Variants in PARD3B observed in about 807,000 individuals in gnomAD.
PARD3B encodes the protein par-3 family cell polarity regulator beta.
A neutral mutation model predicts 130.2 loss-of-function variants in PARD3B; 103 were observed. That is an observed-to-expected ratio of 0.79 (90% CI 0.67 to 0.93). The LOEUF is 0.93. Among genes scored for constraint, PARD3B ranks in the 40% least tolerant of loss-of-function variants. PARD3B has a pLI of 0.00. For synonymous variants in PARD3B, 583 were observed against 553.2 expected, an observed-to-expected ratio of 1.05 and a Z score of -0.76; for missense variants, 1,609 against 1,499.2, an observed-to-expected ratio of 1.07 and a Z score of -1.21.
intron 22 of PARD3B, among the ~76,000 whole-genome samples, chr2:205,581,289 G>GAT (rs1430291971): frequency 2.7e-4 from 38 of 138,774 alleles, no homozygotes; most frequent in African/African-American, 8.6e-4. Flanking sequence ...TAGATATATA[G>GAT]ATAGATATAG....
intron 3 of PARD3B, among the ~76,000 whole-genome samples, chr2:204,996,773 T>C (rs1429120460): frequency 1.3e-5 from 2 of 149,014 alleles, no homozygotes; most frequent in Non-Finnish European, 3.0e-5. Flanking sequence ...GTGTGGGATA[T>C]AGTCTCGTGG....
At chr2:205,259,508 G>A (rs1395066866) in intron 16 of PARD3B, among the ~76,000 whole-genome samples, 1 of 151,966 alleles carries the variant, frequency 6.6e-6, no homozygotes, top group Admixed American at 6.6e-5. Flanking sequence ...TGTCCTTGAC[G>A]TTCACTTTCA....
At position 205,470,582 on chromosome 2, in the gene PARD3B, T is replaced by C. The variant is rs2048791341; in HGVS notation, c.3045-29314T>C. On this transcript the variant is annotated intron_variant, in intron 20 of 22. Coordinates refer to ENST00000406610, the MANE Select transcript of PARD3B (RefSeq NM_001302769.2). The surrounding 1 kb of genome is among the most constrained non-coding windows in gnomAD (Gnocchi z 4.8). ...GTCTAGATAATGAGAATTTAAGTTA[T>C]AAGATTTGTAAGGATCATGGAATAA... Among the ~76,000 whole-genome samples, 1 of 152,180 alleles carries C rather than the reference T, an allele frequency of 6.6e-6. No homozygotes were observed. The highest frequency in any genetic ancestry group is 6.5e-5 in the Admixed American group (1 of 15,276).
intron 10 of PARD3B, among the ~76,000 whole-genome samples, chr2:205,157,375 G>A (rs2034240173): frequency 6.6e-6 from 1 of 152,138 alleles, no homozygotes; most frequent in Non-Finnish European, 1.5e-5. Context: ...GATTTATTAA[G>A]CCATAAAGTT....
At chr2:204,957,619 A>T (rs532353891) in intron 2 of PARD3B, among the ~76,000 whole-genome samples, 250 of 152,228 alleles carry the variant, frequency 1.6e-3, no homozygotes, top group African/African-American at 5.7e-3. Flanking sequence ...TAAAATCCGG[A>T]TTAAATGCTT....
chr2:205,194,361 C>T (rs899510206), intron 15 of PARD3B, among the ~76,000 whole-genome samples: 5 of 152,142 alleles, frequency 3.3e-5, no homozygotes, highest in South Asian at 2.1e-4. Context: ...TTGCTGTAAT[C>T]GCCTGTAGTG....
intron 16 of PARD3B, among the ~76,000 whole-genome samples, chr2:205,278,705 A>T (rs553402436): frequency 6.6e-6 from 1 of 152,154 alleles, no homozygotes; most frequent in African/African-American, 2.4e-5. Flanking sequence ...AATTGTGCCT[A>T]CTTAACTCCT....
At chr2:204,797,844 T>C (rs1023877348) in intron 2 of PARD3B, among the ~76,000 whole-genome samples, 19 of 152,298 alleles carry the variant, frequency 1.2e-4, no homozygotes, top group Admixed American at 9.8e-4. Context: ...TGAAACCCCA[T>C]TACTTTAGTT....
intron 21 of PARD3B, among the ~76,000 whole-genome samples, chr2:205,529,028 TA>T (rs1004167827): frequency 1.9e-4 from 29 of 150,298 alleles, no homozygotes; most frequent in South Asian, 1.5e-3. Flanking sequence ...ACTTGAGCAT[TA>T]AAAAAAAAAA....
At chr2:204,826,581 A>G (rs2043585971) in intron 2 of PARD3B, among the ~76,000 whole-genome samples, 1 of 152,230 alleles carries the variant, frequency 6.6e-6, no homozygotes, top group South Asian at 2.1e-4. Flanking sequence ...GTTACTTATG[A>G]TAGCTATCCA....
At chr2:204,774,440 G>A (rs2041524526) in intron 2 of PARD3B, among the ~76,000 whole-genome samples, 2 of 152,098 alleles carry the variant, frequency 1.3e-5, no homozygotes, top group Non-Finnish European at 2.9e-5. Flanking sequence ...ATGACCAGGA[G>A]CAGGTTTGGG....
At chr2:204,696,162 T>G (rs2037599322) in intron 2 of PARD3B, among the ~76,000 whole-genome samples, 2 of 151,816 alleles carry the variant, frequency 1.3e-5, no homozygotes, top group South Asian at 4.2e-4. Context: ...GGGGGAGGTA[T>G]CTCTATCTTA....
intron 3 of PARD3B, among the ~76,000 whole-genome samples, chr2:204,965,913 T>G (rs1483968624): frequency 1.3e-5 from 2 of 152,190 alleles, no homozygotes; most frequent in Admixed American, 6.5e-5. Context: ...AAATAACATG[T>G]CTGTTTTGGT....
intron 4 of PARD3B, among the ~76,000 whole-genome samples, chr2:205,096,179 G>T (rs1247327959): frequency 6.6e-6 from 1 of 152,018 alleles, no homozygotes; most frequent in East Asian, 1.9e-4. Context: ...TATTCAGTTG[G>T]AGTTTGCCTG....
In PARD3B at chr2:205,572,291, A is replaced by G. The variant is rs1423636290; in HGVS notation, c.3260+18888A>G. The stretch of plus-strand genomic sequence containing the variant: ...GCTAAAATTTTATATGCATAAATGG[A>G]ATTTGAAGAAGTGGCAAGATGTGTA... On this transcript the variant is annotated intron_variant, in intron 22 of 22. Coordinates refer to ENST00000406610, the MANE Select transcript of PARD3B (RefSeq NM_001302769.2). The surrounding 1 kb of genome is among the most constrained non-coding windows in gnomAD (Gnocchi z 4.2). Among the ~76,000 whole-genome samples the G allele has an allele frequency of 6.6e-6, 1 of 152,188 alleles. No homozygotes were observed. The highest frequency in any genetic ancestry group is 1.5e-5 in the Non-Finnish European group (1 of 68,034).
At position 205,525,560 on chromosome 2, in the gene PARD3B, G is replaced by T. The variant is rs945667406; in HGVS notation, c.3180+25529G>T. 1.3e-5 allele frequency among the ~76,000 whole-genome samples: 2 copies of T among 152,134 alleles called. No individual in the cohort carries two copies. Among genetic ancestry groups the T allele is most frequent in the African/African-American group, 4.8e-5 (2 of 41,414 alleles). On this transcript the variant is annotated intron_variant, in intron 21 of 22. Coordinates refer to ENST00000406610, the MANE Select transcript of PARD3B (RefSeq NM_001302769.2). This position sits in a 1 kb window ranked among gnomAD's most constrained non-coding sequence, Gnocchi z 4.2. ...CAAAGTTCCTGCTATAAACATAGGG[G>T]TATTGGTTGCATGACTTTATTAGCT...
chr2:205,607,417 GTCT>G (rs2055040645), intron 22 of PARD3B, among the ~76,000 whole-genome samples: 1 of 152,154 alleles, frequency 6.6e-6, no homozygotes, highest in Non-Finnish European at 1.5e-5. Context: ...CAGCCTCTGG[GTCT>G]GTCTGTCTGC....
chr2:205,388,379 G>C (rs189736205), intron 18 of PARD3B, among the ~76,000 whole-genome samples: 1 of 152,310 alleles, frequency 6.6e-6, no homozygotes, highest in East Asian at 1.9e-4. Flanking sequence ...CAGAATAGTA[G>C]TTTCACAGTC....
At chr2:205,054,661 C>G (rs914207623) in intron 4 of PARD3B, among the ~76,000 whole-genome samples, 1 of 151,222 alleles carries the variant, frequency 6.6e-6, no homozygotes, top group Non-Finnish European at 1.5e-5. Flanking sequence ...TTGATCTGCA[C>G]ACAATGAAAA....
Sources: gnomAD v4.1 joint callset for allele counts (sites outside exome capture counted in the v4.1 genomes callset) on GRCh38, gnomAD v4.1.1 for gene constraint, Gnocchi (gnomAD v3.1) non-coding constraint, MANE v1.5 for transcripts, NCBI Gene and HGNC (gene_info 2026-07-23, HGNC 2026-07-21) for gene names.